Variants in GADL1 observed in about 807,000 individuals in gnomAD.
GADL1 encodes acidic amino acid decarboxylase GADL1.
Under a neutral mutation model 69.5 loss-of-function variants are expected in GADL1, and 71 were observed. That is an observed-to-expected ratio of 1.02 (90% CI 0.84 to 1.25). The LOEUF (loss-of-function observed/expected upper bound fraction) is 1.25. Among genes scored for constraint, GADL1 ranks in the 50% most tolerant of loss-of-function variants. GADL1 has a pLI of 0.00. For synonymous variants in GADL1, 254 were observed against 214.4 expected (o/e 1.18, Z -1.62); for missense variants, 737 against 631.8 (o/e 1.17, Z -1.79).
rs1441205404 is a variant in GADL1 at position 30,767,232 on chromosome 3, T to C, written c.1392+10947A>G. On this transcript the variant is annotated intron_variant, in intron 14 of 14. Coordinates refer to ENST00000282538, the MANE Select transcript of GADL1 (RefSeq NM_207359.3). Reference sequence around the variant, plus strand: ...GCATTATTTACTTCAGAATCAGTGATTTAATCTTCAATAAGAATATTTAAA... The same window carrying C: ...GCATTATTTACTTCAGAATCAGTGACTTAATCTTCAATAAGAATATTTAAA... 2.0e-5 allele frequency among the ~76,000 whole-genome samples: 3 copies of C among 152,318 alleles called. No homozygotes were observed. The East Asian group carries it at 5.8e-4, about 29-fold the overall frequency.
intron 9 of GADL1, among the ~76,000 whole-genome samples, chr3:30,837,544 C>A (rs1221568571): frequency 6.6e-6 from 1 of 152,140 alleles, no homozygotes. Context: ...TCACAATTTT[C>A]TCTAAGCCCC....
chr3:30,825,666 C>G (rs1352232177), intron 11 of GADL1, among the ~76,000 whole-genome samples: 2 of 33,948 alleles, frequency 5.9e-5, no homozygotes, highest in Admixed American at 9.5e-4. Flanking sequence ...TTAACTTGCA[C>G]AGGAACAGAA....
chr3:30,773,909 A>G (rs1225096075), intron 14 of GADL1, among the ~76,000 whole-genome samples: 1 of 152,188 alleles, frequency 6.6e-6, no homozygotes, highest in East Asian at 1.9e-4. Flanking sequence ...ACGCTCACCA[A>G]CAGTAGACAT....
intron 12 of GADL1, among the ~76,000 whole-genome samples, chr3:30,793,551 A>C (rs1696965956): frequency 6.6e-6 from 1 of 152,158 alleles, no homozygotes; most frequent in African/African-American, 2.4e-5. Flanking sequence ...CTTGGCATAA[A>C]AGAGAGAAAA....
At chr3:30,734,666 C>T (rs544502998) in intron 14 of GADL1, among the ~76,000 whole-genome samples, 107 of 152,168 alleles carry the variant, frequency 7.0e-4, no homozygotes, top group African/African-American at 2.4e-3. Flanking sequence ...ATGTATTAAA[C>T]GGATAGTTTC....
chr3:30,873,465 T>C (rs978088620), intron 1 of GADL1, among the ~76,000 whole-genome samples: 2 of 151,936 alleles, frequency 1.3e-5, no homozygotes, highest in Admixed American at 6.6e-5. Context: ...GCCATGTTAA[T>C]AATTACCATA....
chr3:30,853,065 G>A (rs950615630), intron 4 of GADL1, among the ~76,000 whole-genome samples: 6 of 152,134 alleles, frequency 3.9e-5, no homozygotes, highest in Admixed American at 1.3e-4. Flanking sequence ...TGCTCTCCTC[G>A]TGGCTGCCAC....
intron 12 of GADL1, among the ~76,000 whole-genome samples, chr3:30,794,440 T>C (rs764315177): frequency 6.6e-6 from 1 of 152,174 alleles, no homozygotes; most frequent in Non-Finnish European, 1.5e-5. Flanking sequence ...AAACATTTTT[T>C]ACTTTCCTAG....
At chr3:30,743,738 T>A (rs1695659820) in intron 14 of GADL1, among the ~76,000 whole-genome samples, 2 of 152,144 alleles carry the variant, frequency 1.3e-5, no homozygotes, top group Non-Finnish European at 2.9e-5. Flanking sequence ...AAAAATAAAT[T>A]TTATTATTGT....
intron 1 of GADL1, among the ~76,000 whole-genome samples, chr3:30,864,461 T>C (rs1698366934): frequency 6.6e-6 from 1 of 151,984 alleles, no homozygotes; most frequent in Admixed American, 6.6e-5. Flanking sequence ...AAATTATCAC[T>C]GTCTTCACAC....
chr3:30,807,486 T>C (rs1005690526), intron 11 of GADL1, among the ~76,000 whole-genome samples: 2 of 152,230 alleles, frequency 1.3e-5, no homozygotes, highest in Admixed American at 6.5e-5. Context: ...TAAGCTCCCA[T>C]ACTTGATGTC....
At chr3:30,884,217 A>C (rs1170368263) in intron 1 of GADL1, among the ~76,000 whole-genome samples, 3 of 152,038 alleles carry the variant, frequency 2.0e-5, no homozygotes, top group Admixed American at 6.6e-5. Context: ...CATTAAGTAG[A>C]ATATTTGAAC....
intron 2 of GADL1, 85 bp from the exon 3 acceptor site, chr3:30,857,226 A>G (rs540260971): frequency 1.2e-4 from 145 of 1,171,046 alleles, no homozygotes; most frequent in Middle Eastern, 7.8e-4. Context: ...CTACCATTAC[A>G]AAGCTTCTGG....
chr3:30,834,724 A>T (rs1230039760), intron 9 of GADL1, among the ~76,000 whole-genome samples: 1 of 152,120 alleles, frequency 6.6e-6, no homozygotes, highest in Non-Finnish European at 1.5e-5. Flanking sequence ...GCCAACTAGG[A>T]TGAGCTAGGC....
intron 11 of GADL1, among the ~76,000 whole-genome samples, chr3:30,820,699 T>A (rs1413708787): frequency 6.6e-6 from 1 of 152,152 alleles, no homozygotes; most frequent in East Asian, 1.9e-4. Context: ...TGTGAAGAAA[T>A]AGGAACACTT....
At chr3:30,831,512 G>A (rs990356487) in intron 11 of GADL1, among the ~76,000 whole-genome samples, 20 of 151,852 alleles carry the variant, frequency 1.3e-4, no homozygotes, top group African/African-American at 3.6e-4. Context: ...ACTTGATATC[G>A]CAAAGTCTGA....
chr3:30,828,274 A>G (rs12108080), intron 11 of GADL1, among the ~76,000 whole-genome samples: 3,080 of 151,958 alleles, frequency 0.02, 97 homozygotes, highest in African/African-American at 0.068. Flanking sequence ...CAGAACAGAA[A>G]CGAAAATGGG....
At chr3:30,850,809 T>G in intron 5 of GADL1, 26 bp downstream of exon 5, 3 of 1,316,082 alleles carry the variant, frequency 2.3e-6, no homozygotes, top group Non-Finnish European at 3.2e-6. Flanking sequence ...ATTGGAAGGT[T>G]GATATCAATA....
intron 14 of GADL1, 35 bp from the exon 15 acceptor site, chr3:30,728,450 C>G (rs1343280454): frequency 7.6e-6 from 12 of 1,573,482 alleles, no homozygotes; most frequent in Non-Finnish European, 1.0e-5. Flanking sequence ...GGGTGAAAGA[C>G]CAGAACATCA....
Sources: gnomAD v4.1 joint callset for allele counts (sites outside exome capture counted in the v4.1 genomes callset) on GRCh38, gnomAD v4.1.1 for gene constraint, MANE v1.5 for transcripts, NCBI Gene and HGNC (gene_info 2026-07-23, HGNC 2026-07-21) for gene names.